SENP7: variants seen among roughly 807,000 people sequenced by gnomAD.
SENP7 encodes the protein SUMO specific peptidase 7.
Under a neutral mutation model 141.2 loss-of-function variants are expected in SENP7, and 64 were observed. The observed-to-expected ratio is 0.45, with a 90% CI of 0.37 to 0.56. The LOEUF is 0.56. SENP7 is among the 20% of genes least tolerant of loss of function. SENP7 has a pLI of 0.00. For missense variants in SENP7, 1,025 were observed against 1,212.2 expected, an observed-to-expected ratio of 0.85 and a Z score of 2.29; for synonymous variants, 382 against 426.4, an observed-to-expected ratio of 0.90 and a Z score of 1.28.
chr3:101,367,763 CCA>C, intron 8 of SENP7, 65 bp downstream of exon 8: 1 of 1,017,394 alleles, frequency 9.8e-7, no homozygotes. Context: ...CATTATTTGG[CCA>C]CAGTCAACTC....
At chr3:101,451,577 C>T (rs1203329434) in intron 4 of SENP7, among the ~76,000 whole-genome samples, 3 of 152,140 alleles carry the variant, frequency 2.0e-5, no homozygotes, top group African/African-American at 4.8e-5. Context: ...AATCAATAAA[C>T]GTAATCCAGC....
Position 101,463,390 on chromosome 3 carries a change from TATATATAC to T in SENP7, c.187-4346_187-4339del, listed in dbSNP as rs1210312240. Among the ~76,000 whole-genome samples the T allele has an allele frequency of 6.3e-3, 591 of 93,306 alleles. 4 individuals are homozygous for T. Among genetic ancestry groups the T allele is most frequent in the African/African-American group, 0.028 (563 of 20,204 alleles). 61.2% of individuals were successfully genotyped at this position (93,306 alleles called of 152,430 possible). Reference sequence around the variant, plus strand: ...ATATATATATATATATATATATATATATATATACATATATATATATATATATACACACA... The same window carrying T: ...ATATATATATATATATATATATATATATATATATATATATATATACACACA... On this transcript the variant is annotated intron_variant, in intron 3 of 23. Coordinates refer to ENST00000394095, the MANE Select transcript of SENP7 (RefSeq NM_020654.5).
At chr3:101,423,779 C>T (rs1481965189) in intron 4 of SENP7, among the ~76,000 whole-genome samples, 1 of 152,146 alleles carries the variant, frequency 6.6e-6, no homozygotes, top group East Asian at 1.9e-4. Context: ...TTCATAGCCC[C>T]CAGTGACTCT....
chr3:101,443,466 G>GT (rs530129695), intron 4 of SENP7, among the ~76,000 whole-genome samples: 24 of 145,420 alleles, frequency 1.7e-4, no homozygotes, highest in Non-Finnish European at 3.3e-4. Flanking sequence ...CTTTAAAGTA[G>GT]TTTTTTCCAA....
At chr3:101,393,628 A>C (rs2682384) in intron 6 of SENP7, among the ~76,000 whole-genome samples, 48,517 of 152,120 alleles carry the variant, frequency 0.32, 8,249 homozygotes, top group Non-Finnish European at 0.38. Context: ...TAAATGTCTT[A>C]GTCTGTTTCG....
chr3:101,466,806 T>G (rs886446046), intron 3 of SENP7, among the ~76,000 whole-genome samples: 11 of 152,158 alleles, frequency 7.2e-5, no homozygotes, highest in African/African-American at 2.7e-4. Flanking sequence ...CCAACTTCGG[T>G]ACCTGGTTCA....
At position 101,507,642 on chromosome 3, in the gene SENP7, C is replaced by A. The variant is rs2065674992; in HGVS notation, c.40+5449G>T. ...AAACAGAAGTAGAGATGAACAATCT[C>A]CATTGTTTCCTTTGGGGGGAAGACA... On this transcript the variant is annotated intron_variant, in intron 1 of 23. Transcript: ENST00000394095. Among the ~76,000 whole-genome samples, 3 of 144,946 alleles carry A rather than the reference C, an allele frequency of 2.1e-5. No homozygotes were observed. In the South Asian group the frequency reaches 6.8e-4, roughly 33 times the overall value.
At chr3:101,420,417 T>G (rs1464438484) in intron 4 of SENP7, among the ~76,000 whole-genome samples, 1 of 151,366 alleles carries the variant, frequency 6.6e-6, no homozygotes, top group African/African-American at 2.4e-5. Context: ...TTGAAAAAAG[T>G]TTTCAAATAA....
chr3:101,452,159 G>A (rs1182870423), intron 4 of SENP7, among the ~76,000 whole-genome samples: 1 of 151,900 alleles, frequency 6.6e-6, no homozygotes, highest in Non-Finnish European at 1.5e-5. Flanking sequence ...ACTTACAAGG[G>A]ATGTGAAGGA....
At chr3:101,512,116 G>A (rs1055331173) in intron 1 of SENP7, among the ~76,000 whole-genome samples, 4 of 152,156 alleles carry the variant, frequency 2.6e-5, no homozygotes, top group Non-Finnish European at 4.4e-5. Context: ...CACCGCGCCC[G>A]GCCAATAAAT....
At chr3:101,388,550 G>C (rs2060723501) in intron 6 of SENP7, among the ~76,000 whole-genome samples, 1 of 152,142 alleles carries the variant, frequency 6.6e-6, no homozygotes, top group Non-Finnish European at 1.5e-5. Context: ...TGTTCAACCA[G>C]ATGTGCAGAT....
At chr3:101,451,419 A>T (rs1663926988) in intron 4 of SENP7, among the ~76,000 whole-genome samples, 1 of 152,320 alleles carries the variant, frequency 6.6e-6, no homozygotes, top group East Asian at 1.9e-4. Flanking sequence ...AAAAAAAGAG[A>T]ATTTTAGACC....
chr3:101,384,188 A>G (rs1376623729), intron 6 of SENP7, among the ~76,000 whole-genome samples: 1 of 152,260 alleles, frequency 6.6e-6, no homozygotes, highest in African/African-American at 2.4e-5. Flanking sequence ...CTGTCACTCA[A>G]TAAAACACCA....
chr3:101,439,184 G>A (rs567918977), intron 4 of SENP7, among the ~76,000 whole-genome samples: 69 of 98,920 alleles, frequency 7.0e-4, no homozygotes, highest in Admixed American at 1.2e-3. Context: ...CTGCCCCGCC[G>A]CCCCATCTGG....
chr3:101,464,360 C>G (rs1318337607), intron 3 of SENP7, among the ~76,000 whole-genome samples: 1 of 152,102 alleles, frequency 6.6e-6, no homozygotes, highest in African/African-American at 2.4e-5. Context: ...GGAACCAGGC[C>G]GCACAGCAGG....
chr3:101,422,490 T>C (rs1329366348), intron 4 of SENP7, among the ~76,000 whole-genome samples: 2 of 152,206 alleles, frequency 1.3e-5, no homozygotes, highest in African/African-American at 4.8e-5. Flanking sequence ...AATTACATTA[T>C]ATTTCACAGC....
At chr3:101,406,447 G>C (rs1006789300) in intron 5 of SENP7, among the ~76,000 whole-genome samples, 1 of 151,898 alleles carries the variant, frequency 6.6e-6, no homozygotes, top group East Asian at 1.9e-4. Context: ...GTGGGGGGAG[G>C]GGGGAAGGAT....
chr3:101,455,442 T>A (rs184574931), intron 4 of SENP7, among the ~76,000 whole-genome samples: 1 of 152,158 alleles, frequency 6.6e-6, no homozygotes, highest in Non-Finnish European at 1.5e-5. Context: ...TAATTATAAA[T>A]AGAGGGTTTT....
intron 11 of SENP7, among the ~76,000 whole-genome samples, chr3:101,352,765 G>A (rs1170364963): frequency 6.6e-6 from 1 of 151,916 alleles, no homozygotes; most frequent in Non-Finnish European, 1.5e-5. Flanking sequence ...TGGTATGTGA[G>A]CTCCATTTAA....
Sources: allele counts gnomAD v4.1 joint callset (sites outside exome capture counted in the v4.1 genomes callset), GRCh38; gene constraint gnomAD v4.1.1; transcripts MANE v1.5; gene names NCBI Gene and HGNC (gene_info 2026-07-23, HGNC 2026-07-21).